GRM8: variants seen among roughly 807,000 people sequenced by gnomAD.
GRM8 encodes the protein glutamate metabotropic receptor 8.
A neutral mutation model predicts 87.2 loss-of-function variants in GRM8; 47 were observed. That is an observed-to-expected ratio of 0.54 (90% CI 0.43 to 0.69). The LOEUF is 0.69. GRM8 is among the 30% of genes least tolerant of loss of function. The probability of loss-of-function intolerance (pLI) is 0.00; values close to 1 mark genes in which losing one functional copy is unlikely to be tolerated. For missense variants in GRM8, 1,019 were observed against 1,139.2 expected (o/e 0.89, Z 1.52); for synonymous variants, 396 against 404.5 (o/e 0.98, Z 0.25).
rs141599961 is a variant in GRM8 at position 126,794,847 on chromosome 7, C to T, written c.1157-24782G>A. On this transcript the variant is annotated intron_variant, in intron 6 of 10. Coordinates refer to ENST00000339582, the MANE Select transcript of GRM8 (RefSeq NM_000845.3). ...TCACAAAGATTTCTGGTGATTCCTG[C>T]GCACACTACAGTTTGTGAAACACTG... Among the ~76,000 whole-genome samples the T allele has an allele frequency of 2.1e-3, 325 of 152,132 alleles. 1 individual carries two copies. The highest frequency in any genetic ancestry group is 7.2e-3 in the African/African-American group (301 of 41,518).
At chr7:126,892,371 G>A (rs1464911998) in intron 6 of GRM8, among the ~76,000 whole-genome samples, 1 of 152,056 alleles carries the variant, frequency 6.6e-6, no homozygotes, top group African/African-American at 2.4e-5. Context: ...CCACCTATGA[G>A]TGAGAACACG....
intron 7 of GRM8, among the ~76,000 whole-genome samples, chr7:126,682,833 G>A (rs764633095): frequency 1.5e-4 from 23 of 152,278 alleles, no homozygotes; most frequent in South Asian, 8.3e-4. Context: ...GGCGGATCAC[G>A]AGGTCAGGAG....
intron 2 of GRM8, among the ~76,000 whole-genome samples, chr7:127,230,356 G>T (rs1222171196): frequency 6.6e-6 from 1 of 152,096 alleles, no homozygotes; most frequent in African/African-American, 2.4e-5. Flanking sequence ...GAGGGAAAGA[G>T]GTTTCCACAT....
intron 2 of GRM8, among the ~76,000 whole-genome samples, chr7:127,117,626 G>C (rs1826777210): frequency 6.6e-6 from 1 of 152,132 alleles, no homozygotes; most frequent in Admixed American, 6.6e-5. Context: ...ATTACATTGT[G>C]TTATAATAGA....
At chr7:127,034,513 A>G (rs1294805727) in intron 3 of GRM8, among the ~76,000 whole-genome samples, 1 of 152,190 alleles carries the variant, frequency 6.6e-6, no homozygotes, top group Non-Finnish European at 1.5e-5. Context: ...CTGCTATACT[A>G]ACCTTATTCC....
intron 6 of GRM8, among the ~76,000 whole-genome samples, chr7:126,859,593 G>A (rs971128225): frequency 3.9e-5 from 6 of 152,228 alleles, no homozygotes; most frequent in Non-Finnish European, 8.8e-5. Flanking sequence ...AAGAGCCAGT[G>A]CATGCTAATA....
At chr7:127,208,172 C>T (rs769505594) in intron 2 of GRM8, among the ~76,000 whole-genome samples, 10 of 152,142 alleles carry the variant, frequency 6.6e-5, no homozygotes, top group Non-Finnish European at 1.2e-4. Flanking sequence ...CCCTGCCTTA[C>T]GTTTTGCCAT....
chr7:126,783,987 CAAT>C (rs1820367795), intron 6 of GRM8, among the ~76,000 whole-genome samples: 1 of 152,092 alleles, frequency 6.6e-6, no homozygotes, highest in South Asian at 2.1e-4. Context: ...ACCTACCTTA[CAAT>C]AAGAAGGGAG....
chr7:126,628,805 C>T (rs182234405), intron 7 of GRM8, among the ~76,000 whole-genome samples: 122 of 151,848 alleles, frequency 8.0e-4, no homozygotes, highest in African/African-American at 2.8e-3. Flanking sequence ...ATGCATATTA[C>T]ATTTTTAAAT....
At chr7:126,461,715 T>G (rs1803917282) in intron 9 of GRM8, among the ~76,000 whole-genome samples, 2 of 151,638 alleles carry the variant, frequency 1.3e-5, no homozygotes, top group South Asian at 4.1e-4. Context: ...TTGCTCTCAA[T>G]CCCAAATGAT....
At chr7:126,694,113 T>C (rs2151378919) in intron 7 of GRM8, among the ~76,000 whole-genome samples, 1 of 151,996 alleles carries the variant, frequency 6.6e-6, no homozygotes, top group East Asian at 1.9e-4. Flanking sequence ...CAAACTAAAC[T>C]ATATATAGTT....
chr7:126,974,985 T>C (rs1260584264), intron 3 of GRM8, among the ~76,000 whole-genome samples: 1 of 134,966 alleles, frequency 7.4e-6, no homozygotes, highest in Admixed American at 7.8e-5. Flanking sequence ...ACTTAGTCAA[T>C]GTGACAGCTG....
intron 6 of GRM8, among the ~76,000 whole-genome samples, chr7:126,889,307 G>A (rs1043552326): frequency 7.9e-5 from 12 of 152,126 alleles, no homozygotes; most frequent in South Asian, 4.1e-4. Flanking sequence ...CTAGGATGCA[G>A]TGTTTGAGTG....
intron 6 of GRM8, among the ~76,000 whole-genome samples, chr7:126,852,710 A>AC (rs1797324478): frequency 6.6e-6 from 1 of 152,154 alleles, no homozygotes; most frequent in Admixed American, 6.6e-5. Flanking sequence ...GTGATGTGTG[A>AC]CTTATTCCTC....
intron 3 of GRM8, among the ~76,000 whole-genome samples, chr7:127,056,887 G>T (rs1287264048): frequency 6.6e-6 from 1 of 152,182 alleles, no homozygotes; most frequent in African/African-American, 2.4e-5. Flanking sequence ...TACTGGAGTT[G>T]CAGAAGGAGT....
intron 7 of GRM8, among the ~76,000 whole-genome samples, chr7:126,747,912 G>C (rs982195766): frequency 6.6e-6 from 1 of 151,644 alleles, no homozygotes; most frequent in African/African-American, 2.4e-5. Context: ...TTGCATATAA[G>C]TTTCTATCTA....
rs373345337 is a variant in GRM8 at position 126,821,142 on chromosome 7, C to A, written c.1157-51077G>T. On this transcript the variant is annotated intron_variant, in intron 6 of 10. Transcript: ENST00000339582. Reference sequence around the variant, plus strand: ...TAAATGACACACAGTTATTACCTTTCTACTGATCCCTTAAACTTCCCCAAC... The same window carrying A: ...TAAATGACACACAGTTATTACCTTTATACTGATCCCTTAAACTTCCCCAAC... Among the ~76,000 whole-genome samples, 9 of 152,296 alleles carry A rather than the reference C, an allele frequency of 5.9e-5. 1 individual carries two copies. The South Asian group carries it at 6.2e-4, about 11-fold the overall frequency.
intron 6 of GRM8, chr7:126,870,159 T>C (rs1798969330): frequency 6.6e-6 from 1 of 152,162 alleles, no homozygotes; most frequent in Admixed American, 6.5e-5. Context: ...GTTATTTTCT[T>C]CGGCAGCTTC....
In GRM8 at chr7:126,685,333, T is replaced by C. The variant is rs1808052903; in HGVS notation, c.1358-75835A>G. The stretch of plus-strand genomic sequence containing the variant: ...AGGGGACTCGAGGCGGAGCCGGGCC[T>C]GGGGTGGTACCATGCTTCAGGGAGC... On this transcript the variant is annotated intron_variant, in intron 7 of 10. Coordinates refer to ENST00000339582, the MANE Select transcript of GRM8 (RefSeq NM_000845.3). This position sits in a 1 kb window ranked among gnomAD's most constrained non-coding sequence, Gnocchi z 4.2. Among the ~76,000 whole-genome samples the C allele has an allele frequency of 6.6e-6, 1 of 152,110 alleles. No individual in the cohort carries two copies. The highest frequency in any genetic ancestry group is 2.4e-5 in the African/African-American group (1 of 41,450).
Sources: allele counts gnomAD v4.1 joint callset (sites outside exome capture counted in the v4.1 genomes callset), GRCh38; gene constraint gnomAD v4.1.1; non-coding constraint Gnocchi (gnomAD v3.1); transcripts MANE v1.5; gene names NCBI Gene and HGNC (gene_info 2026-07-23, HGNC 2026-07-21).